MTREX: variants seen among roughly 807,000 people sequenced by gnomAD.
MTREX encodes the protein Mtr4 exosome RNA helicase, also known as exosome RNA helicase MTR4.
Under a neutral mutation model 135.4 loss-of-function variants are expected in MTREX, and 76 were observed. The ratio of observed to expected loss-of-function variants is 0.56; its 90% CI spans 0.47 to 0.68. MTREX has a LOEUF of 0.68. Ranked by LOEUF, MTREX falls within the 30% of genes least tolerant of loss-of-function variation. The pLI is 0.00. For synonymous variants in MTREX, 404 were observed against 401.6 expected, an observed-to-expected ratio of 1.01 and a Z score of -0.07; for missense variants, 920 against 1,262.1, an observed-to-expected ratio of 0.73 and a Z score of 4.11.
intron 1 of MTREX, among the ~76,000 whole-genome samples, chr5:55,315,371 A>T (rs1016019307): frequency 6.6e-6 from 1 of 151,922 alleles, no homozygotes; most frequent in Non-Finnish European, 1.5e-5. Flanking sequence ...TTGCTCTTGG[A>T]TTTTTTGTCA....
At position 55,416,071 on chromosome 5, in the gene MTREX, A is replaced by G. The variant is rs1481182283; in HGVS notation, c.2910A>G (p.Val970=). 5 of 1,599,016 alleles carry G rather than the reference A, an allele frequency of 3.1e-6. No homozygotes were observed. Among genetic ancestry groups the G allele is most frequent in the Admixed American group, 3.5e-5 (2 of 56,412 alleles). ...TTAAACCTCACTTAATGGATGTAGT[A>G]TATACCTGGGCAACTGGAGCTACAT... ...SSFKPHLMDV[V]YTWATGATFA... Residue 970 remains valine, a synonymous_variant, in exon 25 of 27, where the codon GTA becomes GTG. Transcript: ENST00000230640.
chr5:55,389,654 G>A (rs569300082), intron 19 of MTREX, among the ~76,000 whole-genome samples: 188 of 152,224 alleles, frequency 1.2e-3, no homozygotes, highest in Middle Eastern at 0.01. Context: ...GTAGGAACAT[G>A]AGTACCTTTA....
chr5:55,412,405 T>G (rs1750896530), intron 23 of MTREX, among the ~76,000 whole-genome samples: 1 of 152,210 alleles, frequency 6.6e-6, no homozygotes, highest in Admixed American at 6.5e-5. Flanking sequence ...AAAAATTTAT[T>G]AAGCACCCAA....
In MTREX at chr5:55,425,169, A is replaced by T. The variant is rs758857383; in HGVS notation, c.*397A>T. ...CCTTGTGGCAATCATTTTCCTTTAGAAAACAGGCCAGCTTCACCTGGGCAC... is the reference window on the plus strand; with the variant it reads ...CCTTGTGGCAATCATTTTCCTTTAGTAAACAGGCCAGCTTCACCTGGGCAC... On this transcript the variant is annotated 3_prime_UTR_variant, in exon 27 of 27. Transcript: ENST00000230640. 1.9e-6 allele frequency: 3 copies of T among 1,589,282 alleles called. No individual in the cohort carries two copies. The highest frequency in any genetic ancestry group is 2.6e-6 in the Non-Finnish European group (3 of 1,172,014).
intron 22 of MTREX, among the ~76,000 whole-genome samples, chr5:55,406,556 C>A (rs1750811560): frequency 6.6e-6 from 1 of 152,090 alleles, no homozygotes; most frequent in Non-Finnish European, 1.5e-5. Flanking sequence ...ACCACATTCT[C>A]TTGATTACAG....
chr5:55,321,628 T>C (rs1749291468), intron 1 of MTREX, among the ~76,000 whole-genome samples: 1 of 145,756 alleles, frequency 6.9e-6, no homozygotes. Context: ...TTTTTTTTCC[T>C]GAGACAGTCT....
chr5:55,411,314 TAGAATG>T (rs1750881681), intron 23 of MTREX, among the ~76,000 whole-genome samples: 2 of 152,212 alleles, frequency 1.3e-5, no homozygotes, highest in Middle Eastern at 3.2e-3. Context: ...ATGAAGTGGA[TAGAATG>T]AGAATAAGAC....
intron 25 of MTREX, among the ~76,000 whole-genome samples, chr5:55,417,499 C>T (rs1286801091): frequency 6.6e-6 from 1 of 152,204 alleles, no homozygotes; most frequent in Admixed American, 6.5e-5. Context: ...CTACACTAGA[C>T]TATACCATCT....
chr5:55,362,331 A>C lies in MTREX; in HGVS notation c.1659+3633A>C, dbSNP rs186680089. The stretch of plus-strand genomic sequence containing the variant: ...GCTATTAGCTTAAACAGAATTTGAC[A>C]TAAGGCAGCAGTTTTTTTGTTTTTT... On this transcript the variant is annotated intron_variant, in intron 15 of 26. Transcript: ENST00000230640. Among the ~76,000 whole-genome samples the C allele has an allele frequency of 2.6e-5, 4 of 151,948 alleles. No homozygotes were observed. The East Asian group carries it at 7.8e-4, about 29-fold the overall frequency.
chr5:55,392,723 A>G (rs1301578208), intron 19 of MTREX, among the ~76,000 whole-genome samples: 1 of 152,058 alleles, frequency 6.6e-6, no homozygotes, highest in African/African-American at 2.4e-5. Flanking sequence ...TTTCTTGACT[A>G]TGCACACAGC....
intron 21 of MTREX, among the ~76,000 whole-genome samples, chr5:55,402,560 G>C (rs991713027): frequency 1.6e-4 from 25 of 152,132 alleles, no homozygotes; most frequent in Non-Finnish European, 1.5e-5. Context: ...AGTTGTTATG[G>C]AGACTCTGCA....
intron 18 of MTREX, among the ~76,000 whole-genome samples, chr5:55,382,259 A>T (rs562046168): frequency 3.5e-4 from 53 of 151,946 alleles, no homozygotes; most frequent in African/African-American, 1.2e-3. Context: ...GTATCATGTG[A>T]ATTTTTTCTA....
At chr5:55,374,985 C>T (rs1014034350) in intron 16 of MTREX, among the ~76,000 whole-genome samples, 10 of 152,056 alleles carry the variant, frequency 6.6e-5, no homozygotes, top group Admixed American at 2.6e-4. Flanking sequence ...CGGTAGGTTC[C>T]GTGATGCCCC....
At chr5:55,376,445 C>T (rs1750302166) in intron 16 of MTREX, among the ~76,000 whole-genome samples, 1 of 152,144 alleles carries the variant, frequency 6.6e-6, no homozygotes, top group African/African-American at 2.4e-5. Flanking sequence ...ATTGGCTTAC[C>T]AATCATTAAC....
intron 19 of MTREX, among the ~76,000 whole-genome samples, chr5:55,393,714 C>G (rs1207152341): frequency 6.6e-6 from 1 of 152,142 alleles, no homozygotes; most frequent in Non-Finnish European, 1.5e-5. Flanking sequence ...TTACAAAGAC[C>G]AGTGCTGCAT....
chr5:55,353,391 C>T (rs1217775529), intron 14 of MTREX, 122 bp downstream of exon 14: 1 of 574,152 alleles, frequency 1.7e-6, no homozygotes, highest in South Asian at 2.7e-5. Context: ...TGAGCTAATA[C>T]AGTTTCATCA....
chr5:55,389,514 T>C (rs965579746), intron 19 of MTREX, among the ~76,000 whole-genome samples: 8 of 152,166 alleles, frequency 5.3e-5, no homozygotes, highest in Non-Finnish European at 1.0e-4. Context: ...GTTGTTAACA[T>C]GAATTTTACA....
Position 55,379,155 on chromosome 5 carries a change from G to A in MTREX, c.2012G>A (p.Trp671Ter), listed in dbSNP as rs1750353617. 1.2e-6 allele frequency: 2 copies of A among 1,608,952 alleles called. No homozygotes were observed. The highest frequency in any genetic ancestry group is 1.7e-6 in the Non-Finnish European group (2 of 1,176,922). ...AAGAATGAAGGAGATGACTTTGGCTGGGGAGTAGTGGTGAATTTCTCAAAA... is the reference window on the plus strand; with the variant it reads ...AAGAATGAAGGAGATGACTTTGGCTAGGGAGTAGTGGTGAATTTCTCAAAA... ...KVKNEGDDFGWGVVVNFSKKS... is the reference protein window; with the variant it reads ...KVKNEGDDFG The change falls in exon 18 of 27, where the codon TGG becomes TAG. Residue 671 changes from tryptophan to a stop codon, truncating the protein, a stop_gained. Coordinates refer to ENST00000230640, the MANE Select transcript of MTREX (RefSeq NM_015360.5). LOFTEE classifies it high-confidence loss of function.
chr5:55,372,893 TGTGTGTG>T (rs1301482543), intron 16 of MTREX, among the ~76,000 whole-genome samples: 6 of 10,024 alleles, frequency 6.0e-4, no homozygotes, highest in Admixed American at 4.4e-3. Flanking sequence ...AAAACTGTAA[TGTGTGTG>T]TGTGTGTGTG....
Sources: gnomAD v4.1 joint callset for allele counts (sites outside exome capture counted in the v4.1 genomes callset) on GRCh38, gnomAD v4.1.1 for gene constraint, MANE v1.5 for transcripts, NCBI Gene and HGNC (gene_info 2026-07-23, HGNC 2026-07-21) for gene names.